DNAI1: variants seen among roughly 807,000 people sequenced by gnomAD.
DNAI1 encodes the protein dynein, axonemal, intermediate polypeptide 1.
A neutral mutation model predicts 92.0 loss-of-function variants in DNAI1; 67 were observed. That is an observed-to-expected ratio of 0.73 (90% CI 0.60 to 0.89). DNAI1 has a LOEUF of 0.89. Ranked by LOEUF, DNAI1 falls within the 40% of genes least tolerant of loss-of-function variation. DNAI1 has a pLI of 0.00. For missense variants in DNAI1, 839 were observed against 866.6 expected, an observed-to-expected ratio of 0.97 and a Z score of 0.40; for synonymous variants, 323 against 319.6, an observed-to-expected ratio of 1.01 and a Z score of -0.11.
intron 1 of DNAI1, among the ~76,000 whole-genome samples, chr9:34,468,391 A>G (rs1218160704): frequency 6.7e-6 from 1 of 149,330 alleles, no homozygotes; most frequent in African/African-American, 2.5e-5. Flanking sequence ...GGGTTTCACC[A>G]TGTTAGCCAG....
intron 10 of DNAI1, among the ~76,000 whole-genome samples, chr9:34,497,506 A>G (rs1054519358): frequency 1.3e-5 from 2 of 152,228 alleles, no homozygotes; most frequent in African/African-American, 4.8e-5. Flanking sequence ...ACTTGCCCAT[A>G]CTGTACACAT....
chr9:34,517,677 C>G (rs1825196201), intron 19 of DNAI1, among the ~76,000 whole-genome samples: 1 of 152,182 alleles, frequency 6.6e-6, no homozygotes, highest in Non-Finnish European at 1.5e-5. Context: ...ACCTGTGGGG[C>G]CCCAGGTGAC....
intron 19 of DNAI1, among the ~76,000 whole-genome samples, chr9:34,519,973 G>A (rs1364255579): frequency 6.6e-6 from 1 of 152,164 alleles, no homozygotes; most frequent in Non-Finnish European, 1.5e-5. Context: ...TGGAAGGATT[G>A]GAGTGCTTTG....
chr9:34,514,807 C>CT, intron 18 of DNAI1, 68 bp downstream of exon 18: 1 of 1,534,224 alleles, frequency 6.5e-7, no homozygotes, highest in Non-Finnish European at 9.0e-7. Flanking sequence ...CAGGGGCTTC[C>CT]TGATGGAGAA....
At chr9:34,483,044 G>C (rs1824400056) in intron 1 of DNAI1, among the ~76,000 whole-genome samples, 4 of 152,238 alleles carry the variant, frequency 2.6e-5, no homozygotes, top group Non-Finnish European at 5.9e-5. Flanking sequence ...AGCAGGGCTG[G>C]CTGGCTGCTC....
At position 34,490,588 on chromosome 9, in the gene DNAI1, G is replaced by A. The variant is rs1022917745; in HGVS notation, c.621+100G>A. On this transcript the variant is annotated intron_variant, in intron 7 of 19. Coordinates refer to ENST00000242317, the MANE Select transcript of DNAI1 (RefSeq NM_012144.4). ...GCCCTAGCAGACCTCAGCCTGGCAG[G>A]GGTGACAGGACAACAGATGCTACAG... 3.9e-6 allele frequency: 6 copies of A among 1,527,162 alleles called. No homozygotes were observed. The African/African-American group carries it at 6.8e-5, about 17-fold the overall frequency. 94.6% of individuals were successfully genotyped at this position (1,527,162 alleles called of 1,614,324 possible).
chr9:34,508,052 C>T (rs1476190023), intron 13 of DNAI1, among the ~76,000 whole-genome samples: 4 of 152,208 alleles, frequency 2.6e-5, no homozygotes, highest in Non-Finnish European at 4.4e-5. Flanking sequence ...AGGCTGTGTA[C>T]TATTTTTCCA....
chr9:34,519,388 A>C (rs1277566745), intron 19 of DNAI1, among the ~76,000 whole-genome samples: 1 of 152,198 alleles, frequency 6.6e-6, no homozygotes, highest in East Asian at 1.9e-4. Context: ...GCCCAAAGTC[A>C]TATAGGGAGT....
At position 34,491,307 on chromosome 9, in the gene DNAI1, G is replaced by T. The variant is rs1044420703; in HGVS notation, c.622-188G>T. ...CTTATACTTCTTCTGAAGGAGGCCA[G>T]AATGGACACAATATGGGCTTTGAAT... On this transcript the variant is annotated intron_variant, in intron 7 of 19. Coordinates refer to ENST00000242317, the MANE Select transcript of DNAI1 (RefSeq NM_012144.4). The T allele has an allele frequency of 1.3e-5, 9 of 670,122 alleles. No individual in the cohort carries two copies. The Admixed American group carries it at 1.8e-4, about 13-fold the overall frequency. The allele number at this position is 670,122 out of a possible 1,614,324, so 41.5% of individuals were successfully genotyped here. A position where few individuals can be genotyped will look rare whatever the true frequency, so the allele number is the denominator to read the frequency against.
At chr9:34,474,374 AC>A (rs2132047436) in intron 1 of DNAI1, among the ~76,000 whole-genome samples, 1 of 151,472 alleles carries the variant, frequency 6.6e-6, no homozygotes, top group Non-Finnish European at 1.5e-5. Context: ...AGCTGGGACT[AC>A]AGGCATGCAA....
In DNAI1 at chr9:34,491,572, C is replaced by G. The variant is rs1410660274; in HGVS notation, c.681+18C>G. On this transcript the variant is annotated intron_variant, in intron 8 of 19. Transcript: ENST00000242317. ...CCAATCAGGTAAGACCCTGGGCCAG[C>G]CTGAAACCTCTTACCACCCACCTCT... 6.2e-7 allele frequency: 1 copy of G among 1,614,080 alleles called. No individual in the cohort carries two copies. The highest frequency in any genetic ancestry group is 8.5e-7 in the Non-Finnish European group (1 of 1,179,944).
chr9:34,489,905 G>T lies in DNAI1; in HGVS notation c.389-107G>T, dbSNP rs1824550305. On this transcript the variant is annotated intron_variant, in intron 5 of 19. Transcript: ENST00000242317. ...TGAATAGGTCAGGGAGCTAACCCAT[G>T]ACACTCAGGCCAAGGAAAACCCCAG... 2.6e-6 allele frequency: 4 copies of T among 1,526,406 alleles called. No homozygotes were observed. The East Asian group carries it at 9.8e-5, about 37-fold the overall frequency. 94.6% of individuals were successfully genotyped at this position (1,526,406 alleles called of 1,614,324 possible).
At chr9:34,501,256 T>C in intron 12 of DNAI1, 75 bp downstream of exon 12, 1 of 1,248,282 alleles carries the variant, frequency 8.0e-7, no homozygotes, top group Non-Finnish European at 1.2e-6. Context: ...GCAGAACTCT[T>C]TGCCAGTTGT....
intron 11 of DNAI1, 43 bp from the exon 12 acceptor site, chr9:34,501,095 A>T: frequency 1.3e-6 from 2 of 1,552,374 alleles, no homozygotes; most frequent in Non-Finnish European, 1.8e-6. Context: ...CAGGAGGGCC[A>T]TGTTCATTTC....
intron 12 of DNAI1, 134 bp from the exon 13 acceptor site, chr9:34,506,493 C>A: frequency 8.3e-7 from 1 of 1,199,218 alleles, no homozygotes; most frequent in Non-Finnish European, 1.2e-6. Flanking sequence ...AGATGAATCC[C>A]AGAGAGGAAT....
chr9:34,519,240 C>T (rs1825222916), intron 19 of DNAI1, among the ~76,000 whole-genome samples: 1 of 152,150 alleles, frequency 6.6e-6, no homozygotes, highest in Admixed American at 6.5e-5. Flanking sequence ...CAAATGGCTT[C>T]CCCACAGAGG....
Position 34,514,980 on chromosome 9 carries a change from G to A in DNAI1, c.1818+241G>A, listed in dbSNP as rs537283866. Among the ~76,000 whole-genome samples the A allele has an allele frequency of 4.6e-5, 7 of 152,360 alleles. No homozygotes were observed. The South Asian group carries it at 1.2e-3, about 27-fold the overall frequency. ...CCTTGGAGGAGAAAGCACTCTGGGG[G>A]ATGAGATGCCATGGAGCAGTTATTT... On this transcript the variant is annotated intron_variant, in intron 18 of 19. Transcript: ENST00000242317.
At chr9:34,504,951 C>T (rs1358810891) in intron 12 of DNAI1, among the ~76,000 whole-genome samples, 1 of 152,130 alleles carries the variant, frequency 6.6e-6, no homozygotes, top group Non-Finnish European at 1.5e-5. Context: ...GCATTGCATC[C>T]ATCCAGCTGA....
At chr9:34,519,794 G>A (rs1825233638) in intron 19 of DNAI1, among the ~76,000 whole-genome samples, 1 of 152,170 alleles carries the variant, frequency 6.6e-6, no homozygotes. Flanking sequence ...GAGGATGGGG[G>A]CCCAGGAGCA....
Sources: gnomAD v4.1 joint callset for allele counts (sites outside exome capture counted in the v4.1 genomes callset) on GRCh38, gnomAD v4.1.1 for gene constraint, MANE v1.5 for transcripts, NCBI Gene and HGNC (gene_info 2026-07-23, HGNC 2026-07-21) for gene names.